WWTR1: variants seen among roughly 807,000 people sequenced by gnomAD.
WWTR1 encodes the protein WW domain containing transcription regulator 1.
In WWTR1, 13 loss-of-function variants were observed where a neutral mutation model predicts 40.1. The ratio of observed to expected loss-of-function variants is 0.32; its 90% CI spans 0.21 to 0.52. The LOEUF (loss-of-function observed/expected upper bound fraction) is 0.52, where lower values mean the gene tolerates loss of function less well. WWTR1 is among the 20% of genes least tolerant of loss of function. The pLI, the probability that WWTR1 is intolerant of heterozygous loss-of-function variation, is 0.97. For synonymous variants in WWTR1, 230 were observed against 210.1 expected (o/e 1.09, Z -0.82); for missense variants, 436 against 523.1 (o/e 0.83, Z 1.63).
intron 3 of WWTR1, among the ~76,000 whole-genome samples, chr3:149,559,635 G>A (rs1560060230): frequency 6.6e-6 from 1 of 152,172 alleles, no homozygotes; most frequent in South Asian, 2.1e-4. Flanking sequence ...CAAACCTCCT[G>A]GAGACAGAAT....
chr3:149,650,855 A>G (rs1712826932), intron 2 of WWTR1, among the ~76,000 whole-genome samples: 1 of 152,210 alleles, frequency 6.6e-6, no homozygotes, highest in African/African-American at 2.4e-5. Flanking sequence ...TTAAACTTAA[A>G]ACTGACTTTC....
chr3:149,547,208 G>A (rs1410818345), intron 3 of WWTR1, among the ~76,000 whole-genome samples: 2 of 136,834 alleles, frequency 1.5e-5, no homozygotes, highest in African/African-American at 2.7e-5. Flanking sequence ...ATTTTAGGGA[G>A]AGAACAATAG....
intron 2 of WWTR1, among the ~76,000 whole-genome samples, chr3:149,608,792 G>A (rs1161113882): frequency 6.6e-6 from 1 of 152,122 alleles, no homozygotes; most frequent in Admixed American, 6.6e-5. Flanking sequence ...TGGCTCACGC[G>A]CTATAATCTC....
chr3:149,645,511 T>G (rs1461466267), intron 2 of WWTR1, among the ~76,000 whole-genome samples: 1 of 152,254 alleles, frequency 6.6e-6, no homozygotes, highest in African/African-American at 2.4e-5. Flanking sequence ...TTTGGACTTT[T>G]TGGTAAGAGT....
At chr3:149,605,413 G>C (rs1363681659) in intron 2 of WWTR1, among the ~76,000 whole-genome samples, 1 of 152,200 alleles carries the variant, frequency 6.6e-6, no homozygotes, top group Non-Finnish European at 1.5e-5. Context: ...TGGAGGAAAT[G>C]TATGAGGCGG....
chr3:149,604,206 G>C (rs1460262549), intron 2 of WWTR1, among the ~76,000 whole-genome samples: 1 of 152,148 alleles, frequency 6.6e-6, no homozygotes, highest in Non-Finnish European at 1.5e-5. Context: ...CTGAGACCTA[G>C]AAGTTAAATA....
chr3:149,684,480 G>A (rs1163349607), intron 1 of WWTR1, among the ~76,000 whole-genome samples: 3 of 151,950 alleles, frequency 2.0e-5, no homozygotes, highest in Non-Finnish European at 2.9e-5. Context: ...ACAAATCAGT[G>A]TGTCTGGTAG....
upstream of WWTR1, among the ~76,000 whole-genome samples, chr3:149,706,184 CAGAG>C (rs1188182550): frequency 1.3e-5 from 2 of 151,702 alleles, no homozygotes; most frequent in Non-Finnish European, 2.9e-5. Flanking sequence ...GCCTGGGTGA[CAGAG>C]AGAGACTCTG....
At chr3:149,526,257 G>A in intron 5 of WWTR1, 132 bp from the exon 6 acceptor site, 2 of 510,940 alleles carry the variant, frequency 3.9e-6, no homozygotes, top group Non-Finnish European at 6.6e-6. Flanking sequence ...AGGGAGGAAG[G>A]AAAGTTTTAA....
chr3:149,602,580 A>G (rs909095619), intron 2 of WWTR1, among the ~76,000 whole-genome samples: 2 of 152,180 alleles, frequency 1.3e-5, no homozygotes, highest in Admixed American at 1.3e-4. Flanking sequence ...ACACAACTTT[A>G]AAGTGGCCAC....
chr3:149,709,157 T>C (rs1229333639), intron 5 of WWTR1, among the ~76,000 whole-genome samples: 1 of 152,076 alleles, frequency 6.6e-6, no homozygotes, highest in Non-Finnish European at 1.5e-5. Flanking sequence ...GTATTTTTTG[T>C]AGAGAGGGGG....
At chr3:149,691,914 G>A (rs1403931758) in intron 1 of WWTR1, among the ~76,000 whole-genome samples, 4 of 152,080 alleles carry the variant, frequency 2.6e-5, no homozygotes, top group African/African-American at 9.7e-5. Flanking sequence ...TCCTCGGGAG[G>A]CTGAGGCAGG....
intron 4 of WWTR1, among the ~76,000 whole-genome samples, chr3:149,541,248 G>C (rs1560051300): frequency 1.3e-5 from 2 of 152,162 alleles, no homozygotes; most frequent in African/African-American, 2.4e-5. Flanking sequence ...TAGCAACACA[G>C]AAGAAAGAAT....
At chr3:149,670,510 G>A (rs35437669) in intron 1 of WWTR1, among the ~76,000 whole-genome samples, 26,450 of 151,946 alleles carry the variant, frequency 0.17, 2,508 homozygotes, top group Admixed American at 0.28. Context: ...CCAACCTGGT[G>A]GCGGACCCCT....
At chr3:149,665,756 C>T (rs1395273776) in intron 2 of WWTR1, among the ~76,000 whole-genome samples, 1 of 152,006 alleles carries the variant, frequency 6.6e-6, no homozygotes. Flanking sequence ...TAAAAAGATG[C>T]TAAAATTATA....
chr3:149,552,552 T>C (rs1366335219), intron 3 of WWTR1, among the ~76,000 whole-genome samples: 1 of 152,212 alleles, frequency 6.6e-6, no homozygotes, highest in Non-Finnish European at 1.5e-5. Flanking sequence ...TAGGGGAATA[T>C]CCAAAGGGTA....
At chr3:149,547,880 A>T in intron 3 of WWTR1, among the ~76,000 whole-genome samples, 1 of 149,634 alleles carries the variant, frequency 6.7e-6, no homozygotes. Flanking sequence ...AATTGATAAA[A>T]CCATGCTCTG....
intron 3 of WWTR1, among the ~76,000 whole-genome samples, chr3:149,543,580 CAAAAAA>C (rs755442408): frequency 6.4e-5 from 2 of 31,226 alleles, no homozygotes; most frequent in African/African-American, 2.2e-4. Flanking sequence ...GACTCTGTCT[CAAAAAA>C]AAAAAAAAAA....
At chr3:149,550,680 G>A (rs1468596818) in intron 3 of WWTR1, among the ~76,000 whole-genome samples, 1 of 147,536 alleles carries the variant, frequency 6.8e-6, no homozygotes, top group Admixed American at 6.7e-5. Flanking sequence ...CATGTGCCTA[G>A]AATGAGGGAC....
Sources: allele counts gnomAD v4.1 joint callset (sites outside exome capture counted in the v4.1 genomes callset), GRCh38; gene constraint gnomAD v4.1.1; transcripts MANE v1.5; gene names NCBI Gene and HGNC (gene_info 2026-07-23, HGNC 2026-07-21).